Variants in TRIM26 observed in about 807,000 individuals in gnomAD.
TRIM26 encodes the protein tripartite motif-containing protein 26.
TRIM26 carries 16 observed loss-of-function variants against 45.5 expected under a neutral mutation model. The observed-to-expected ratio is 0.35, with a 90% CI of 0.24 to 0.53. The LOEUF is 0.53. Ranked by LOEUF, TRIM26 falls within the 20% of genes least tolerant of loss-of-function variation. The probability of loss-of-function intolerance (pLI) is 0.92; values close to 1 mark genes in which losing one functional copy is unlikely to be tolerated. For missense variants in TRIM26, 442 were observed against 691.1 expected, an observed-to-expected ratio of 0.64 and a Z score of 4.04; for synonymous variants, 273 against 290.4, an observed-to-expected ratio of 0.94 and a Z score of 0.61.
intron 1 of TRIM26, among the ~76,000 whole-genome samples, chr6:30,208,913 T>C (rs1481853727): frequency 1.5e-5 from 2 of 134,432 alleles, no homozygotes; most frequent in Non-Finnish European, 3.1e-5. Flanking sequence ...TATGTGTGTG[T>C]GTGTGTGTGT....
At chr6:30,200,712 C>A (rs1777077813) in intron 3 of TRIM26, among the ~76,000 whole-genome samples, 1 of 152,220 alleles carries the variant, frequency 6.6e-6, no homozygotes, top group Non-Finnish European at 1.5e-5. Flanking sequence ...GCCTCCTGCC[C>A]CTGACTCTGT....
Position 30,198,812 on chromosome 6 carries a change from C to G in TRIM26, c.292G>C (p.Asp98His). ...QPGEVTREQQ[D>H]AKLCERHREK... ...CGGTGTCGCTCGCACAACTTTGCAT[C>G]CTGCTGCTCCCGGGTCACCTCTCCC... Residue 98 changes from aspartate (D) to histidine (H), a missense_variant, in exon 4 of 10, where the codon GAT (aspartate) becomes CAT (histidine). Physicochemically the swap from Asp to His is moderately conservative, Grantham distance 81. Coordinates refer to ENST00000454678, the MANE Select transcript of TRIM26 (RefSeq NM_003449.5). The surrounding 1 kb of genome is among the most constrained non-coding windows in gnomAD (Gnocchi z 6.3). 6.2e-7 allele frequency: 1 copy of G among 1,610,934 alleles called. No individual in the cohort carries two copies. Among genetic ancestry groups the G allele is most frequent in the Non-Finnish European group, 8.5e-7 (1 of 1,179,878 alleles).
Position 30,209,381 on chromosome 6 carries a change from AAAGT to A in TRIM26, c.-376+3920_-376+3923del, listed in dbSNP as rs1417346134. ...TGCTGTGGTTTGAACATGTCCCCCA[AAAGT>A]TCACGTGTTGGAAACGTAATTGCCA... On this transcript the variant is annotated intron_variant, in intron 1 of 9. Transcript: ENST00000454678. This position sits in a 1 kb window ranked among gnomAD's most constrained non-coding sequence, Gnocchi z 4.8. Among the ~76,000 whole-genome samples, 2 of 152,180 alleles carry A rather than the reference AAAGT, an allele frequency of 1.3e-5. No individual in the cohort carries two copies.
chr6:30,201,832 A>G (rs1298425338), intron 2 of TRIM26, among the ~76,000 whole-genome samples: 1 of 151,390 alleles, frequency 6.6e-6, no homozygotes, highest in Non-Finnish European at 1.5e-5. Flanking sequence ...TGGGTGACAG[A>G]GTGAGACTCC....
rs553660993 is a variant in TRIM26 at position 30,190,770 on chromosome 6, G to A, written c.766-735C>T. ...TGGTGGTGAGCCCAACTTTGACCAC[G>A]CAGCAGAGGACAACATCCCTAGAAG... is the stretch of plus-strand genomic sequence containing the variant. On this transcript the variant is annotated intron_variant, in intron 6 of 9. Coordinates refer to ENST00000454678, the MANE Select transcript of TRIM26 (RefSeq NM_003449.5). This position sits in a 1 kb window ranked among gnomAD's most constrained non-coding sequence, Gnocchi z 4.3. Among the ~76,000 whole-genome samples, 48 of 152,170 alleles carry A rather than the reference G, an allele frequency of 3.2e-4. 1 individual carries two copies. Among genetic ancestry groups the A allele is most frequent in the Admixed American group, 2.0e-4 (3 of 15,282 alleles).
intron 9 of TRIM26, chr6:30,188,238 A>AAT: frequency 5.2e-6 from 1 of 191,076 alleles, no homozygotes; most frequent in Non-Finnish European, 1.1e-5. Context: ...AAAAAAAAAA[A>AAT]AAAAGAAATT....
intron 1 of TRIM26, among the ~76,000 whole-genome samples, chr6:30,208,515 CTTTTTT>C (rs35809533): frequency 1.6e-5 from 2 of 128,224 alleles, no homozygotes; most frequent in East Asian, 2.2e-4. Flanking sequence ...AATTTTTTTC[CTTTTTT>C]TTTTTTTTTT....
Position 30,186,831 on chromosome 6 carries a change from CT to C in TRIM26, c.938-274del. The C allele has an allele frequency of 9.5e-7, 1 of 1,047,752 alleles. No individual in the cohort carries two copies. Among genetic ancestry groups the C allele is most frequent in the Non-Finnish European group, 1.5e-6 (1 of 682,934 alleles). 64.9% of individuals were successfully genotyped at this position (1,047,752 alleles called of 1,614,324 possible). A position where few individuals can be genotyped will look rare whatever the true frequency, so the allele number is the denominator to read the frequency against. On this transcript the variant is annotated intron_variant, in intron 9 of 9. Coordinates refer to ENST00000454678, the MANE Select transcript of TRIM26 (RefSeq NM_003449.5). This position sits in a 1 kb window ranked among gnomAD's most constrained non-coding sequence, Gnocchi z 7.4. The stretch of plus-strand genomic sequence containing the variant: ...GCTTACGCTCTGATTCCAAACAAAA[CT>C]TTTCATAAGCTTCCTCTATCTCTGG...
chr6:30,190,688 TAAA>T lies in TRIM26; in HGVS notation c.766-656_766-654del, dbSNP rs35527045. On this transcript the variant is annotated intron_variant, in intron 6 of 9. Coordinates refer to ENST00000454678, the MANE Select transcript of TRIM26 (RefSeq NM_003449.5). The surrounding 1 kb of genome is among the most constrained non-coding windows in gnomAD (Gnocchi z 4.3). ...GACCATAATTCTGGGCATTGTCCTT[TAAA>T]AAAAGAAAATTGCTTTCTACTTCCT... Among the ~76,000 whole-genome samples the T allele has an allele frequency of 6.6e-6, 1 of 152,142 alleles. No homozygotes were observed. Among genetic ancestry groups the T allele is most frequent in the Non-Finnish European group, 1.5e-5 (1 of 68,020 alleles).
intron 1 of TRIM26, among the ~76,000 whole-genome samples, chr6:30,210,769 C>G (rs1581735262): frequency 1.3e-5 from 2 of 152,324 alleles, no homozygotes; most frequent in African/African-American, 4.8e-5. Context: ...TGGTCTCTCT[C>G]TCTCTCAAAC....
At chr6:30,195,240 C>A (rs1221036450) in intron 6 of TRIM26, among the ~76,000 whole-genome samples, 8 of 152,112 alleles carry the variant, frequency 5.3e-5, no homozygotes, top group Admixed American at 5.2e-4. Context: ...GGCATTCACA[C>A]ATGGCAGGGG....
In TRIM26 at chr6:30,189,541, G is replaced by C. The variant is rs1479598194; in HGVS notation, c.789-8C>G. The stretch of plus-strand genomic sequence containing the variant: ...AACTTCTTCCGTGGATACCTAAGAA[G>C]ATGACATACATAACAAGCTGTTACT... On this transcript the variant is annotated splice_polypyrimidine_tract_variant and splice_region_variant and intron_variant, in intron 7 of 9. Transcript: ENST00000454678. This position sits in a 1 kb window ranked among gnomAD's most constrained non-coding sequence, Gnocchi z 5.0. The C allele has an allele frequency of 1.2e-6, 2 of 1,607,120 alleles. No individual in the cohort carries two copies. Among genetic ancestry groups the C allele is most frequent in the African/African-American group, 2.7e-5 (2 of 74,800 alleles).
chr6:30,191,089 G>C (rs1304322735), intron 6 of TRIM26, among the ~76,000 whole-genome samples: 4 of 152,084 alleles, frequency 2.6e-5, no homozygotes, highest in African/African-American at 9.7e-5. Context: ...TGGCAGTAGG[G>C]AGAAAAAGAG....
Position 30,189,533 on chromosome 6 carries a change from C to T in TRIM26, c.789G>A (p.Arg263=), listed in dbSNP as rs1192751974. 4.3e-6 allele frequency: 7 copies of T among 1,611,806 alleles called. No individual in the cohort carries two copies. Among genetic ancestry groups the T allele is most frequent in the Non-Finnish European group, 5.9e-6 (7 of 1,179,040 alleles). The change falls in exon 8 of 10, where the codon AGG becomes AGA. Residue 263 remains arginine (R), a splice_region_variant and synonymous_variant. Coordinates refer to ENST00000454678, the MANE Select transcript of TRIM26 (RefSeq NM_003449.5). This position sits in a 1 kb window ranked among gnomAD's most constrained non-coding sequence, Gnocchi z 5.0. ...CAACCCAGAACTTCTTCCGTGGATACCTAAGAAGATGACATACATAACAAG... is the reference window on the plus strand; with the variant it reads ...CAACCCAGAACTTCTTCCGTGGATATCTAAGAAGATGACATACATAACAAG... ...LMQDTRDFLN[R]YPRKKFWVGK...
chr6:30,199,633 T>C (rs1226866019), intron 3 of TRIM26, among the ~76,000 whole-genome samples: 1 of 144,506 alleles, frequency 6.9e-6, no homozygotes, highest in African/African-American at 2.7e-5. Context: ...GCCCGTTTTT[T>C]TTTTTTGGTT....
rs1776679446 is a variant in TRIM26, at chr6:30,198,082, T to C, written c.534+347A>G. Among the ~76,000 whole-genome samples the C allele has an allele frequency of 6.6e-6, 1 of 152,156 alleles. No homozygotes were observed. The highest frequency in any genetic ancestry group is 1.5e-5 in the Non-Finnish European group (1 of 68,026). ...TCAGGCAACCTTGTCTCTCTCTCTC[T>C]CTTTGAAAGGAAGAATGAAGCCACA... On this transcript the variant is annotated intron_variant, in intron 5 of 9. Coordinates refer to ENST00000454678, the MANE Select transcript of TRIM26 (RefSeq NM_003449.5). This position sits in a 1 kb window ranked among gnomAD's most constrained non-coding sequence, Gnocchi z 6.3.
At position 30,190,280 on chromosome 6, in the gene TRIM26, T is replaced by A; in HGVS notation, c.766-245A>T. On this transcript the variant is annotated intron_variant, in intron 6 of 9. Transcript: ENST00000454678. The surrounding 1 kb of genome is among the most constrained non-coding windows in gnomAD (Gnocchi z 4.3). ...ATGGGCAACCTCTCTGGGAGATACC[T>A]GCGCAGAGAATTGACGGATAAGAAG... The A allele has an allele frequency of 5.1e-6, 3 of 589,310 alleles. No individual in the cohort carries two copies. The highest frequency in any genetic ancestry group is 9.1e-6 in the Non-Finnish European group (3 of 331,232). 36.5% of individuals were successfully genotyped at this position (589,310 alleles called of 1,614,324 possible). A position where few individuals can be genotyped will look rare whatever the true frequency, so the allele number is the denominator to read the frequency against.
In TRIM26 at chr6:30,207,492, C is replaced by T. The variant is rs1249276502; in HGVS notation, c.-375-2727G>A. Among the ~76,000 whole-genome samples the T allele has an allele frequency of 6.6e-6, 1 of 152,176 alleles. No homozygotes were observed. Among genetic ancestry groups the T allele is most frequent in the Non-Finnish European group, 1.5e-5 (1 of 68,038 alleles). On this transcript the variant is annotated intron_variant, in intron 1 of 9. Transcript: ENST00000454678. The surrounding 1 kb of genome is among the most constrained non-coding windows in gnomAD (Gnocchi z 4.9). The stretch of plus-strand genomic sequence containing the variant: ...CCCTTTGCTGCCCCAGTGCTGCAGC[C>T]ACTCTGGCCTTTTGATCCTCAAACA...
Position 30,186,886 on chromosome 6 carries a change from C to T in TRIM26, c.938-328G>A. 1.4e-6 allele frequency: 1 copy of T among 728,392 alleles called. No homozygotes were observed. The highest frequency in any genetic ancestry group is 1.6e-5 in the South Asian group (1 of 63,904). 45.1% of individuals were successfully genotyped at this position (728,392 alleles called of 1,614,324 possible). A position where few individuals can be genotyped will look rare whatever the true frequency, so the allele number is the denominator to read the frequency against. On this transcript the variant is annotated intron_variant, in intron 9 of 9. Transcript: ENST00000454678. The surrounding 1 kb of genome is among the most constrained non-coding windows in gnomAD (Gnocchi z 7.4). ...TCTGGGTCCAACTCATCATTAATAT[C>T]ATCCAAGTGTGGATCACCAGTCCCT...
Sources: gnomAD v4.1 joint callset for allele counts (sites outside exome capture counted in the v4.1 genomes callset) on GRCh38, gnomAD v4.1.1 for gene constraint, Gnocchi (gnomAD v3.1) non-coding constraint, MANE v1.5 for transcripts, NCBI Gene and HGNC (gene_info 2026-07-23, HGNC 2026-07-21) for gene names.